ADAM12: variants seen among roughly 807,000 people sequenced by gnomAD.
ADAM12 encodes ADAM metallopeptidase domain 12.
ADAM12 carries 70 observed loss-of-function variants against 106.4 expected under a neutral mutation model. That is an observed-to-expected ratio of 0.66 (90% CI 0.54 to 0.80). The LOEUF is 0.80. Ranked by LOEUF, ADAM12 falls within the 30% of genes least tolerant of loss-of-function variation. The pLI, the probability that ADAM12 is intolerant of heterozygous loss-of-function variation, is 0.00. For missense variants in ADAM12, 1,010 were observed against 1,171.9 expected (o/e 0.86, Z 2.02); for synonymous variants, 420 against 433.5 (o/e 0.97, Z 0.39).
chr10:126,187,889 T>A (rs745858900), intron 3 of ADAM12, among the ~76,000 whole-genome samples: 1 of 152,326 alleles, frequency 6.6e-6, no homozygotes, highest in East Asian at 1.9e-4. Context: ...CAGATGACGC[T>A]GTCCCCTGAG....
intron 3 of ADAM12, among the ~76,000 whole-genome samples, chr10:126,190,856 G>C (rs1417705373): frequency 2.0e-5 from 3 of 152,092 alleles, no homozygotes; most frequent in African/African-American, 7.2e-5. Context: ...ATAGAAATAA[G>C]ATAGTGGGGT....
intron 2 of ADAM12, among the ~76,000 whole-genome samples, chr10:126,313,602 T>A (rs984304471): frequency 3.6e-5 from 5 of 139,942 alleles, no homozygotes; most frequent in Non-Finnish European, 8.0e-5. Context: ...GTGAGCCCCA[T>A]CCATCCATCT....
Position 126,314,872 on chromosome 10 carries a change from G to A in ADAM12, c.186+15540C>T, listed in dbSNP as rs140385693. Among the ~76,000 whole-genome samples the A allele has an allele frequency of 4.6e-5, 7 of 152,222 alleles. No homozygotes were observed. The South Asian group carries it at 8.3e-4, about 18-fold the overall frequency. ...CAGAGCACAGTCAATGCAGAGCCTCGTTCAAAACCCCTGCTATGAGGCTTT... is the reference window on the plus strand; with the variant it reads ...CAGAGCACAGTCAATGCAGAGCCTCATTCAAAACCCCTGCTATGAGGCTTT... On this transcript the variant is annotated intron_variant, in intron 2 of 22. Transcript: ENST00000448723.
intron 2 of ADAM12, among the ~76,000 whole-genome samples, chr10:126,303,707 A>G (rs1442171882): frequency 6.6e-6 from 1 of 152,208 alleles, no homozygotes; most frequent in Non-Finnish European, 1.5e-5. Context: ...CAGCTTTGAG[A>G]CAGATTAACC....
rs145727110 is a variant in ADAM12, at chr10:126,323,036, G to A, written c.186+7376C>T. Among the ~76,000 whole-genome samples the A allele has an allele frequency of 1.4e-3, 207 of 152,276 alleles. 2 individuals are homozygous for A. Among genetic ancestry groups the A allele is most frequent in the African/African-American group, 4.7e-3 (194 of 41,546 alleles). ...AGAAGGTAAGAAACTGAGTGGGACAGACCATACCCAGGAACCCAGAGAGTC... is the reference window on the plus strand; with the variant it reads ...AGAAGGTAAGAAACTGAGTGGGACAAACCATACCCAGGAACCCAGAGAGTC... On this transcript the variant is annotated intron_variant, in intron 2 of 22. Coordinates refer to ENST00000448723, the MANE Select transcript of ADAM12 (RefSeq NM_001288973.2).
chr10:126,243,489 A>ATGTG (rs57227903), intron 3 of ADAM12, among the ~76,000 whole-genome samples: 28,018 of 146,808 alleles, frequency 0.19, 3,218 homozygotes, highest in South Asian at 0.32. Flanking sequence ...GTGTGAGTGT[A>ATGTG]TGTGTGTGTG....
At chr10:126,039,271 A>G (rs1954116730) in intron 19 of ADAM12, 23 bp downstream of exon 19, 1 of 1,612,650 alleles carries the variant, frequency 6.2e-7, no homozygotes, top group African/African-American at 1.3e-5. Context: ...TCTAGAACAG[A>G]TGACAAGCTA....
chr10:126,171,197 C>T (rs1957113872), intron 3 of ADAM12, among the ~76,000 whole-genome samples: 1 of 152,146 alleles, frequency 6.6e-6, no homozygotes, highest in Non-Finnish European at 1.5e-5. Flanking sequence ...ATAGTTTAGT[C>T]AGAATGATGG....
chr10:126,203,935 C>CGT (rs1565136254), intron 3 of ADAM12, among the ~76,000 whole-genome samples: 5 of 91,532 alleles, frequency 5.5e-5, no homozygotes, highest in South Asian at 3.3e-4. Context: ...AGTGCGCGCG[C>CGT]GCGCGTGTGT....
intron 3 of ADAM12, among the ~76,000 whole-genome samples, chr10:126,192,135 G>C (rs1482616875): frequency 6.6e-6 from 1 of 152,180 alleles, no homozygotes; most frequent in Non-Finnish European, 1.5e-5. Context: ...AGATTTGGGT[G>C]GGGACACAGA....
intron 1 of ADAM12, among the ~76,000 whole-genome samples, chr10:126,355,186 C>T (rs1402030547): frequency 2.0e-5 from 3 of 151,996 alleles, no homozygotes; most frequent in Non-Finnish European, 2.9e-5. Flanking sequence ...GCCAAAAAAT[C>T]ACAACAATAA....
chr10:126,121,097 C>CTATATTATA (rs1956085109), intron 5 of ADAM12, among the ~76,000 whole-genome samples: 3 of 41,670 alleles, frequency 7.2e-5, no homozygotes, highest in South Asian at 1.2e-3. Context: ...GTATAATATA[C>CTATATTATA]TATATTATAT....
intron 1 of ADAM12, among the ~76,000 whole-genome samples, chr10:126,369,585 T>TGC (rs1856039863): frequency 6.6e-6 from 1 of 152,094 alleles, no homozygotes; most frequent in Non-Finnish European, 1.5e-5. Context: ...ATGAAGACAC[T>TGC]GCAGTAAAAG....
intron 11 of ADAM12, among the ~76,000 whole-genome samples, chr10:126,081,574 CTCT>C (rs764507232): frequency 5.9e-5 from 9 of 152,192 alleles, no homozygotes; most frequent in African/African-American, 1.9e-4. Flanking sequence ...ACCCAGGAGG[CTCT>C]TCTTTACCTG....
intron 3 of ADAM12, among the ~76,000 whole-genome samples, chr10:126,267,090 C>T (rs1270658259): frequency 6.6e-6 from 1 of 152,170 alleles, no homozygotes; most frequent in African/African-American, 2.4e-5. Flanking sequence ...GCCTGATACC[C>T]AAATCCAAAT....
chr10:126,057,403 A>C (rs149060204), intron 14 of ADAM12, among the ~76,000 whole-genome samples: 826 of 33,130 alleles, frequency 0.025, 276 homozygotes, highest in East Asian at 0.19. Context: ...AAAAAAACAA[A>C]AAAAAAAAAC....
At chr10:126,298,147 T>C (rs941640049) in intron 2 of ADAM12, among the ~76,000 whole-genome samples, 1 of 151,940 alleles carries the variant, frequency 6.6e-6, no homozygotes, top group Non-Finnish European at 1.5e-5. Context: ...GTCTTTAAGC[T>C]GCCCATATAC....
chr10:126,128,435 A>G lies in ADAM12; in HGVS notation c.416+7149T>C, dbSNP rs1313964190. Among the ~76,000 whole-genome samples, 3 of 152,250 alleles carry G rather than the reference A, an allele frequency of 2.0e-5. 1 individual carries two copies. In the South Asian group the frequency reaches 6.2e-4, roughly 31 times the overall value. On this transcript the variant is annotated intron_variant, in intron 5 of 22. Coordinates refer to ENST00000448723, the MANE Select transcript of ADAM12 (RefSeq NM_001288973.2). ...CTCAGGTGACAATAACATCTGCCCC[A>G]TTCTCATGAAAACAGGAATCATAAC...
chr10:126,036,469 G>T, intron 20 of ADAM12, 144 bp from the exon 21 acceptor site: 1 of 732,784 alleles, frequency 1.4e-6, no homozygotes, highest in Non-Finnish European at 2.0e-6. Flanking sequence ...TACACAAGAG[G>T]GGAATTATTT....
Sources: allele counts gnomAD v4.1 joint callset (sites outside exome capture counted in the v4.1 genomes callset), GRCh38; gene constraint gnomAD v4.1.1; transcripts MANE v1.5; gene names NCBI Gene and HGNC (gene_info 2026-07-23, HGNC 2026-07-21).